INTS13: variants seen among roughly 807,000 people sequenced by gnomAD.
INTS13 encodes asunder, spermatogenesis regulator homolog (Drosphila).
Under a neutral mutation model 90.2 loss-of-function variants are expected in INTS13, and 35 were observed. The observed-to-expected ratio is 0.39, with a 90% confidence interval of 0.30 to 0.51. The LOEUF is 0.51. INTS13 is among the 20% of genes least tolerant of loss of function. INTS13 has a pLI of 0.80. For synonymous variants in INTS13, 309 were observed against 277.1 expected, an observed-to-expected ratio of 1.11 and a Z score of -1.14; for missense variants, 601 against 851.2, an observed-to-expected ratio of 0.71 and a Z score of 3.66.
At chr12:26,924,557 A>G (rs1040791856) in intron 6 of INTS13, 74 bp from the exon 7 acceptor site, 296 of 1,415,388 alleles carry the variant, frequency 2.1e-4, no homozygotes, top group Non-Finnish European at 2.6e-4. Context: ...ATATTTTAGT[A>G]TAAATCCATT....
At chr12:26,917,497 AAAAG>A (rs984398643) in intron 9 of INTS13, 56 bp from the exon 10 acceptor site, 47 of 1,285,950 alleles carry the variant, frequency 3.7e-5, no homozygotes, top group African/African-American at 9.1e-5. Flanking sequence ...TCCCACAATT[AAAAG>A]AAAGAAAAAA....
At chr12:26,914,711 T>C (rs1951880665) in intron 11 of INTS13, 133 bp from the exon 12 acceptor site, 2 of 603,432 alleles carry the variant, frequency 3.3e-6, no homozygotes, top group Admixed American at 6.7e-5. Flanking sequence ...ACAGTATCCC[T>C]TAACTCCACT....
chr12:26,914,632 G>A, intron 11 of INTS13, 54 bp from the exon 12 acceptor site: 1 of 1,404,910 alleles, frequency 7.1e-7, no homozygotes, highest in Non-Finnish European at 9.8e-7. Flanking sequence ...GTTTCAGTAT[G>A]GATTACATGT....
Position 26,915,986 on chromosome 12 carries a change from G to GATTA in INTS13, c.1248+15_1248+16insTAAT. ...ACAGATTCAAAACTTAAAATTTATA[G>GATTA]ATATTAGAGTCTTACTGTAATCCGG... On this transcript the variant is annotated intron_variant, in intron 11 of 16. Coordinates refer to ENST00000261191, the MANE Select transcript of INTS13 (RefSeq NM_018164.3). 1 of 1,556,942 alleles carries GATTA rather than the reference G, an allele frequency of 6.4e-7. No homozygotes were observed. The highest frequency in any genetic ancestry group is 1.9e-5 in the Admixed American group (1 of 52,606).
intron 6 of INTS13, 101 bp downstream of exon 6, chr12:26,925,660 T>A: frequency 2.0e-6 from 2 of 985,386 alleles, no homozygotes; most frequent in Non-Finnish European, 3.0e-6. Flanking sequence ...AATATTTTCT[T>A]GGCAGAAAAT....
At chr12:26,931,878 G>A (rs1005984910) in intron 3 of INTS13, among the ~76,000 whole-genome samples, 24 of 152,232 alleles carry the variant, frequency 1.6e-4, no homozygotes, top group South Asian at 1.5e-3. Flanking sequence ...CCTGACGTCA[G>A]GAGTTCAAGA....
At position 26,929,650 on chromosome 12, in the gene INTS13, C is replaced by T. The variant is rs150003240; in HGVS notation, c.301-745G>A. Reference sequence around the variant, plus strand: ...ACTTAGAAGACTGAGGCAGAAGGATCGCTTGAGCCCAGGAGTTCAGCCACT... The same window carrying T: ...ACTTAGAAGACTGAGGCAGAAGGATTGCTTGAGCCCAGGAGTTCAGCCACT... On this transcript the variant is annotated intron_variant, in intron 3 of 16. Coordinates refer to ENST00000261191, the MANE Select transcript of INTS13 (RefSeq NM_018164.3). Among the ~76,000 whole-genome samples the T allele has an allele frequency of 2.2e-3, 339 of 151,626 alleles. 3 individuals carry two copies. Among genetic ancestry groups the T allele is most frequent in the South Asian group, 0.012 (56 of 4,792 alleles).
Position 26,906,424 on chromosome 12 carries a change from T to A in INTS13, c.1959A>T (p.Leu653Phe), listed in dbSNP as rs372639327. The change falls in exon 16 of 17, where the codon TTA becomes TTT. Residue 653 changes from leucine (L) to phenylalanine (F), a missense_variant. Leu to Phe is a conservative substitution (Grantham distance 22, BLOSUM62 0). Transcript: ENST00000261191. ...QVEKSKGPVS[L>F]LSLWSNRINT... Reference sequence around the variant, plus strand: ...TGATTCTATTACTCCACAAGGATAATAACGACACTGGCCCTAGTGTTATAT... The same window carrying A: ...TGATTCTATTACTCCACAAGGATAAAAACGACACTGGCCCTAGTGTTATAT... 81 of 1,609,868 alleles carry A rather than the reference T, an allele frequency of 5.0e-5. No individual in the cohort carries two copies. Among genetic ancestry groups the A allele is most frequent in the Admixed American group, 3.4e-4 (20 of 59,482 alleles).
At position 26,922,618 on chromosome 12, in the gene INTS13, C is replaced by T; in HGVS notation, c.887G>A (p.Ser296Asn). 1 of 1,588,608 alleles carries T rather than the reference C, an allele frequency of 6.3e-7. No individual in the cohort carries two copies. Reference sequence around the variant, plus strand: ...TAATACTTTCAAATGTCTCTTACCACTTTTCAGGAAATCTACATGTGCATC... The same window carrying T: ...TAATACTTTCAAATGTCTCTTACCATTTTTCAGGAAATCTACATGTGCATC... Reference protein sequence around the residue: ...HKDAHVDFLKSGDSHLGGGSR... With the variant: ...HKDAHVDFLKNGDSHLGGGSR... Residue 296 changes from serine (S) to asparagine (N), a missense_variant and splice_region_variant, in exon 8 of 17, where the codon AGT becomes AAT. By Grantham distance (46) the Ser-to-Asn change is conservative. This residue lies in a region of INTS13 where 284 missense variants were observed against 387.7 expected (regional missense o/e 0.73). Transcript: ENST00000261191.
intron 6 of INTS13, 129 bp from the exon 7 acceptor site, chr12:26,924,612 CCA>C: frequency 1.0e-6 from 1 of 987,244 alleles, no homozygotes; most frequent in African/African-American, 1.7e-5. Context: ...AAAAAAGGAT[CCA>C]TAAATTAACC....
intron 5 of INTS13, among the ~76,000 whole-genome samples, chr12:26,927,373 A>C (rs1937935620): frequency 6.6e-6 from 1 of 152,252 alleles, no homozygotes; most frequent in Non-Finnish European, 1.5e-5. Flanking sequence ...ATTGAATTGT[A>C]GGACACACAG....
Position 26,928,162 on chromosome 12 carries a change from T to A in INTS13, c.584+43A>T, listed in dbSNP as rs1476963039. ...ATTGGAAATAATTATAACATATATC[T>A]ATCCACATGAACATATTTATTTCAT... On this transcript the variant is annotated intron_variant, in intron 5 of 16. Transcript: ENST00000261191. The A allele has an allele frequency of 2.9e-6, 4 of 1,361,830 alleles. No homozygotes were observed. The Admixed American group carries it at 5.1e-5, about 17-fold the overall frequency. The allele number at this position is 1,361,830 out of a possible 1,614,324, so 84.4% of individuals were successfully genotyped here.
chr12:26,928,935 C>A, intron 3 of INTS13, 30 bp from the exon 4 acceptor site: 1 of 1,592,566 alleles, frequency 6.3e-7, no homozygotes, highest in Non-Finnish European at 8.6e-7. Context: ...ATTATGTTGA[C>A]AAGAGTATGT....
chr12:26,936,450 G>T, intron 2 of INTS13, 129 bp downstream of exon 2: 1 of 659,762 alleles, frequency 1.5e-6, no homozygotes. Flanking sequence ...ATCCCAAAGG[G>T]CAGCGTTATG....
At chr12:26,921,806 C>T (rs932265550) in intron 8 of INTS13, among the ~76,000 whole-genome samples, 1 of 152,174 alleles carries the variant, frequency 6.6e-6, no homozygotes, top group Non-Finnish European at 1.5e-5. Flanking sequence ...CAGGTACACG[C>T]CACCACACCT....
intron 15 of INTS13, among the ~76,000 whole-genome samples, chr12:26,908,580 G>A (rs1405624945): frequency 6.6e-6 from 1 of 150,824 alleles, no homozygotes; most frequent in African/African-American, 2.4e-5. Flanking sequence ...GAGTTGAATA[G>A]ACGTTTGCCA....
At chr12:26,926,491 C>T (rs1280571039) in intron 5 of INTS13, among the ~76,000 whole-genome samples, 1 of 152,178 alleles carries the variant, frequency 6.6e-6, no homozygotes, top group Non-Finnish European at 1.5e-5. Context: ...GCCTGCTTCG[C>T]CTAGTGAGAA....
chr12:26,928,415 G>T, intron 4 of INTS13, 130 bp from the exon 5 acceptor site: 1 of 748,996 alleles, frequency 1.3e-6, no homozygotes, highest in Non-Finnish European at 2.2e-6. Flanking sequence ...TCTTTAGTGT[G>T]CTAAGTCATA....
At chr12:26,935,884 G>T (rs1417091155) in intron 2 of INTS13, among the ~76,000 whole-genome samples, 1 of 152,116 alleles carries the variant, frequency 6.6e-6, no homozygotes, top group East Asian at 1.9e-4. Context: ...CTAAACAAAT[G>T]ACTTTCCCAA....
Sources: gnomAD v4.1 joint callset for allele counts (sites outside exome capture counted in the v4.1 genomes callset) on GRCh38, gnomAD v4.1.1 for gene constraint, gnomAD v4.1.1 regional missense constraint, MANE v1.5 for transcripts, NCBI Gene and HGNC (gene_info 2026-07-23, HGNC 2026-07-21) for gene names.